Variants in NCKAP5 observed in about 807,000 individuals in gnomAD.
The protein encoded by NCKAP5 is nck-associated protein 5.
NCKAP5 carries 92 observed loss-of-function variants against 167.0 expected under a neutral mutation model. The ratio of observed to expected loss-of-function variants is 0.55; its 90% CI spans 0.47 to 0.66. The LOEUF (loss-of-function observed/expected upper bound fraction) is 0.66. Among genes scored for constraint, NCKAP5 ranks in the 30% least tolerant of loss-of-function variants. NCKAP5 has a pLI of 0.00. For missense variants in NCKAP5, 2,378 were observed against 2,315.0 expected (o/e 1.03, Z -0.56); for synonymous variants, 891 against 877.4 (o/e 1.02, Z -0.27).
intron 11 of NCKAP5, among the ~76,000 whole-genome samples, chr2:132,856,342 A>G (rs990682958): frequency 2.0e-5 from 3 of 152,182 alleles, no homozygotes; most frequent in Non-Finnish European, 4.4e-5. Context: ...AAGAGAAAAA[A>G]AAAGCGGAAC....
At chr2:132,695,652 A>C (rs1687233324) in intron 19 of NCKAP5, among the ~76,000 whole-genome samples, 1 of 152,196 alleles carries the variant, frequency 6.6e-6, no homozygotes, top group Non-Finnish European at 1.5e-5. Context: ...GAGCGAATCC[A>C]AAATAGGAAG....
chr2:132,785,649 T>C lies in NCKAP5; in HGVS notation c.1162A>G (p.Thr388Ala). Residue 388 changes from threonine to alanine, a missense_variant, in exon 14 of 20, where the codon ACA becomes GCA. Physicochemically the swap from Thr to Ala is moderately conservative, Grantham distance 58. Coordinates refer to ENST00000409261, the MANE Select transcript of NCKAP5 (RefSeq NM_207363.3). ...SSLPSGFASPTNELPPTRIKE... is the reference protein window; with the variant it reads ...SSLPSGFASPANELPPTRIKE... ...ATACGAGTTGGAGGTAGTTCATTTG[T>C]AGGACTAGCAAAGCCACTTGGGAGC... 2.0e-6 allele frequency: 3 copies of C among 1,526,170 alleles called. No homozygotes were observed. Among genetic ancestry groups the C allele is most frequent in the Non-Finnish European group, 8.8e-7 (1 of 1,139,736 alleles). 94.5% of individuals were successfully genotyped at this position (1,526,170 alleles called of 1,614,324 possible). A position where few individuals can be genotyped will look rare whatever the true frequency, so the allele number is the denominator to read the frequency against.
intron 7 of NCKAP5, among the ~76,000 whole-genome samples, chr2:132,982,055 T>A (rs1286989110): frequency 6.6e-6 from 1 of 152,200 alleles, no homozygotes; most frequent in Non-Finnish European, 1.5e-5. Context: ...AAGGCATCCG[T>A]GGCACTGGCC....
Position 133,191,915 on chromosome 2 carries a change from TA to T in NCKAP5, c.207+21800del, listed in dbSNP as rs968969819. 1.4e-3 allele frequency among the ~76,000 whole-genome samples: 212 copies of T among 149,196 alleles called. 1 individual carries two copies. The highest frequency in any genetic ancestry group is 2.5e-3 in the Non-Finnish European group (169 of 67,088). On this transcript the variant is annotated intron_variant, in intron 5 of 19. Coordinates refer to ENST00000409261, the MANE Select transcript of NCKAP5 (RefSeq NM_207363.3). ...CACATGTACCCTAGAACTTAAAGTATAAAAAAAAAATTCCAGTGAGATATTT... is the reference window on the plus strand; with the variant it reads ...CACATGTACCCTAGAACTTAAAGTATAAAAAAAAATTCCAGTGAGATATTT...
intron 3 of NCKAP5, among the ~76,000 whole-genome samples, chr2:133,352,467 G>A: frequency 6.6e-6 from 1 of 152,224 alleles, no homozygotes; most frequent in Admixed American, 6.5e-5. Flanking sequence ...ATACAATTTG[G>A]GATACGTTAT....
At chr2:133,225,108 T>C (rs2086824698) in intron 4 of NCKAP5, among the ~76,000 whole-genome samples, 1 of 152,206 alleles carries the variant, frequency 6.6e-6, no homozygotes. Flanking sequence ...TTGTGTTATG[T>C]CTGACAATTA....
chr2:132,824,957 AC>A (rs1338501558), intron 11 of NCKAP5, among the ~76,000 whole-genome samples: 7 of 152,188 alleles, frequency 4.6e-5, no homozygotes, highest in African/African-American at 1.7e-4. Flanking sequence ...CCACAGCATG[AC>A]CTATCCTATT....
At chr2:133,532,883 A>G (rs1442222936) in intron 2 of NCKAP5, among the ~76,000 whole-genome samples, 2 of 152,218 alleles carry the variant, frequency 1.3e-5, no homozygotes, top group African/African-American at 2.4e-5. Context: ...CCAAGAACCA[A>G]TGCTCACCTT....
At chr2:133,010,264 A>G (rs1465440188) in intron 6 of NCKAP5, among the ~76,000 whole-genome samples, 1 of 152,206 alleles carries the variant, frequency 6.6e-6, no homozygotes, top group Non-Finnish European at 1.5e-5. Context: ...AGGTATGTGT[A>G]AAATAGTCTC....
intron 3 of NCKAP5, among the ~76,000 whole-genome samples, chr2:133,343,291 C>T (rs1683721193): frequency 6.6e-6 from 1 of 151,744 alleles, no homozygotes; most frequent in African/African-American, 2.4e-5. Flanking sequence ...AGATTAATAG[C>T]TATCTTGAAG....
intron 1 of NCKAP5, among the ~76,000 whole-genome samples, chr2:133,564,909 G>C (rs1688435553): frequency 6.6e-6 from 1 of 152,222 alleles, no homozygotes; most frequent in African/African-American, 2.4e-5. Context: ...GCAGTGTCAT[G>C]CATGGTGCTA....
At chr2:132,704,938 T>C (rs1688215183) in intron 19 of NCKAP5, among the ~76,000 whole-genome samples, 3 of 152,188 alleles carry the variant, frequency 2.0e-5, no homozygotes, top group South Asian at 4.1e-4. Flanking sequence ...CCATTCCCTC[T>C]CCTCCTTTCC....
At chr2:133,061,176 C>A (rs2079987894) in intron 6 of NCKAP5, among the ~76,000 whole-genome samples, 1 of 152,046 alleles carries the variant, frequency 6.6e-6, no homozygotes, top group African/African-American at 2.4e-5. Flanking sequence ...ATTCAAGTTC[C>A]AATGCATTTG....
intron 3 of NCKAP5, 69 bp from the exon 4 acceptor site, chr2:133,303,179 T>C (rs1680525375): frequency 3.7e-6 from 4 of 1,071,066 alleles, no homozygotes; most frequent in African/African-American, 1.6e-5. Flanking sequence ...ACCCTGACCT[T>C]ATCTCTACAA....
chr2:132,925,126 C>T (rs776431832), intron 8 of NCKAP5, among the ~76,000 whole-genome samples: 2 of 151,998 alleles, frequency 1.3e-5, no homozygotes, highest in Admixed American at 6.6e-5. Context: ...TTTCCATGGA[C>T]TTTGTTGGGG....
At chr2:133,341,362 G>A (rs888564141) in intron 3 of NCKAP5, among the ~76,000 whole-genome samples, 1 of 151,034 alleles carries the variant, frequency 6.6e-6, no homozygotes, top group Non-Finnish European at 1.5e-5. Flanking sequence ...TTCAGGCAAT[G>A]TTTCTAAGGG....
At chr2:132,981,541 C>A (rs1354660975) in intron 7 of NCKAP5, among the ~76,000 whole-genome samples, 1 of 152,176 alleles carries the variant, frequency 6.6e-6, no homozygotes, top group East Asian at 1.9e-4. Context: ...TATCCCTATG[C>A]TAATTCCTAA....
chr2:133,069,039 G>A (rs1030439095), intron 6 of NCKAP5, among the ~76,000 whole-genome samples: 2 of 152,212 alleles, frequency 1.3e-5, no homozygotes, highest in African/African-American at 4.8e-5. Flanking sequence ...AATGTAAACT[G>A]TGACGTTATG....
the NCKAP5 span, among the ~76,000 whole-genome samples, chr2:133,618,169 C>T: frequency 3.3e-5 from 5 of 151,794 alleles, no homozygotes; most frequent in East Asian, 1.9e-4. Flanking sequence ...TGGATTAAAG[C>T]CTTAAACGTT....
Sources: allele counts gnomAD v4.1 joint callset (sites outside exome capture counted in the v4.1 genomes callset), GRCh38; gene constraint gnomAD v4.1.1; transcripts MANE v1.5; gene names NCBI Gene and HGNC (gene_info 2026-07-23, HGNC 2026-07-21).